Variants in CNTNAP5 observed in about 807,000 individuals in gnomAD.
CNTNAP5 encodes contactin associated protein family member 5.
CNTNAP5 carries 72 observed loss-of-function variants against 150.2 expected under a neutral mutation model. The ratio of observed to expected loss-of-function variants is 0.48; its 90% confidence interval spans 0.40 to 0.58. CNTNAP5 has a LOEUF of 0.58. Among genes scored for constraint, CNTNAP5 ranks in the 20% least tolerant of loss-of-function variants. CNTNAP5 has a pLI of 0.00. For missense variants in CNTNAP5, 1,636 were observed against 1,626.2 expected (o/e 1.01, Z -0.10); for synonymous variants, 672 against 619.8 (o/e 1.08, Z -1.25).
At chr2:124,707,135 GAAGAGGAAGAAGAA>G (rs1679695875) in intron 13 of CNTNAP5, among the ~76,000 whole-genome samples, 1 of 91,674 alleles carries the variant, frequency 1.1e-5, no homozygotes, top group African/African-American at 3.9e-5. Flanking sequence ...AGAAGAAGAA[GAAGAGGAAGAAGAA>G]GAAGAAGAAG....
At chr2:124,471,273 G>C (rs944117541) in intron 6 of CNTNAP5, among the ~76,000 whole-genome samples, 1 of 152,026 alleles carries the variant, frequency 6.6e-6, no homozygotes, top group Non-Finnish European at 1.5e-5. Context: ...TCCTTGAAGA[G>C]GTCCTTCACT....
chr2:124,294,303 A>C (rs937965395), intron 3 of CNTNAP5, among the ~76,000 whole-genome samples: 1 of 152,236 alleles, frequency 6.6e-6, no homozygotes, highest in Non-Finnish European at 1.5e-5. Context: ...ACATGAAAAA[A>C]AATAAGGTAA....
At chr2:124,519,005 A>G (rs956763674) in intron 8 of CNTNAP5, among the ~76,000 whole-genome samples, 1 of 151,376 alleles carries the variant, frequency 6.6e-6, no homozygotes, top group Non-Finnish European at 1.5e-5. Context: ...AAAAAAAAAA[A>G]AAAAAAAAAA....
intron 3 of CNTNAP5, among the ~76,000 whole-genome samples, chr2:124,253,816 G>A (rs1277674719): frequency 6.6e-6 from 1 of 151,948 alleles, no homozygotes; most frequent in Non-Finnish European, 1.5e-5. Flanking sequence ...AGTGCTGGCA[G>A]CAACCTGTAA....
chr2:124,598,602 T>A (rs1381786426), intron 11 of CNTNAP5, among the ~76,000 whole-genome samples: 4 of 150,702 alleles, frequency 2.7e-5, no homozygotes, highest in African/African-American at 4.9e-5. Context: ...TTTTTGTTTG[T>A]CTGTGCCCTG....
Position 124,919,132 on chromosome 2 carries a change from C to T in CNTNAP5, c.*4844C>T, listed in dbSNP as rs999968397. On this transcript the variant is annotated 3_prime_UTR_variant, in exon 24 of 24. Transcript: ENST00000682447. The stretch of plus-strand genomic sequence containing the variant: ...AAGGGGAAAAAATGCAACACACACA[C>T]GCACGCTCACATGCACACTTTGTAC... 1.1e-4 allele frequency among the ~76,000 whole-genome samples: 17 copies of T among 152,032 alleles called. No homozygotes were observed. The highest frequency in any genetic ancestry group is 2.2e-4 in the African/African-American group (9 of 41,410).
At chr2:124,029,311 C>T (rs1047084329) in intron 1 of CNTNAP5, among the ~76,000 whole-genome samples, 4 of 152,030 alleles carry the variant, frequency 2.6e-5, no homozygotes, top group Non-Finnish European at 2.9e-5. Context: ...TAAACAATCA[C>T]GCTGGTTTTT....
At chr2:124,126,267 G>T (rs191357574) in intron 1 of CNTNAP5, among the ~76,000 whole-genome samples, 1 of 150,910 alleles carries the variant, frequency 6.6e-6, no homozygotes, top group African/African-American at 2.4e-5. Context: ...ACAAACTAAC[G>T]TCAGAGAAGC....
intron 19 of CNTNAP5, among the ~76,000 whole-genome samples, chr2:124,811,285 G>GT (rs1446883409): frequency 1.3e-5 from 2 of 152,074 alleles, no homozygotes; most frequent in Non-Finnish European, 2.9e-5. Flanking sequence ...AATAAGAAGA[G>GT]TAATGGAACT....
chr2:124,379,061 C>A (rs1184533461), intron 3 of CNTNAP5, among the ~76,000 whole-genome samples: 1 of 151,862 alleles, frequency 6.6e-6, no homozygotes, highest in Non-Finnish European at 1.5e-5. Context: ...AAAAATTTCC[C>A]ACATACCCCT....
chr2:124,135,893 C>A (rs1040319133), intron 1 of CNTNAP5, among the ~76,000 whole-genome samples: 2 of 152,204 alleles, frequency 1.3e-5, no homozygotes, highest in African/African-American at 4.8e-5. Flanking sequence ...AGGACAATCA[C>A]AATCTCCTTC....
At chr2:124,112,475 C>T (rs1403354020) in intron 1 of CNTNAP5, among the ~76,000 whole-genome samples, 1 of 152,162 alleles carries the variant, frequency 6.6e-6, no homozygotes, top group Non-Finnish European at 1.5e-5. Context: ...TTCTGTTTCT[C>T]TTATAGGCTT....
rs1247298641 is a variant in CNTNAP5, at chr2:124,713,315, TTTCCTTTCTTTC to T, written c.2078-33911_2078-33900del. 6.2e-5 allele frequency among the ~76,000 whole-genome samples: 6 copies of T among 96,672 alleles called. No homozygotes were observed. In the East Asian group the frequency reaches 1.7e-3, roughly 27 times the overall value. The allele number at this position is 96,672 out of a possible 152,430, so 63.4% of individuals were successfully genotyped here. ...TTTCTTTCTTTCTTCTTTCTCTTTC[TTTCCTTTCTTTC>T]TTTCTTTCTTTCTTTCTTTCTTTCT... On this transcript the variant is annotated intron_variant, in intron 13 of 23. Transcript: ENST00000682447.
intron 1 of CNTNAP5, among the ~76,000 whole-genome samples, chr2:124,217,410 G>A (rs531943675): frequency 6.6e-6 from 1 of 152,264 alleles, no homozygotes; most frequent in South Asian, 2.1e-4. Flanking sequence ...AATTGAAGGA[G>A]AGCACAGGTT....
chr2:124,123,544 T>C (rs1370636740), intron 1 of CNTNAP5, among the ~76,000 whole-genome samples: 8 of 152,156 alleles, frequency 5.3e-5, no homozygotes, highest in Non-Finnish European at 1.2e-4. Flanking sequence ...CTGACAGCTT[T>C]GAAGAGAGTA....
rs1255973384 is a variant in CNTNAP5, at chr2:124,594,813, T to C, written c.1757-14988T>C. Among the ~76,000 whole-genome samples the C allele has an allele frequency of 1.8e-5, 2 of 111,678 alleles. 1 individual carries two copies. The highest frequency in any genetic ancestry group is 3.7e-5 in the Non-Finnish European group (2 of 53,816). The allele number at this position is 111,678 out of a possible 152,430, so 73.3% of individuals were successfully genotyped here. ...TTGTTTGTATCCTCTTTTATTTCCT[T>C]GAGCAGTGGTTTGTAATTCTCCTTG... On this transcript the variant is annotated intron_variant, in intron 11 of 23. Transcript: ENST00000682447.
At chr2:124,602,115 C>A (rs111414239) in intron 11 of CNTNAP5, among the ~76,000 whole-genome samples, 1 of 151,974 alleles carries the variant, frequency 6.6e-6, no homozygotes, top group Admixed American at 6.5e-5. Context: ...GAGGCCGAGG[C>A]GGGTGGATCA....
At chr2:124,096,137 C>T (rs1682928370) in intron 1 of CNTNAP5, among the ~76,000 whole-genome samples, 2 of 152,142 alleles carry the variant, frequency 1.3e-5, no homozygotes, top group South Asian at 4.1e-4. Flanking sequence ...AGTAATTACA[C>T]CCCACTATTG....
intron 3 of CNTNAP5, among the ~76,000 whole-genome samples, chr2:124,286,484 G>A (rs905136780): frequency 6.6e-6 from 1 of 152,214 alleles, no homozygotes; most frequent in Non-Finnish European, 1.5e-5. Context: ...ATTTATGAAA[G>A]TTTTCTGTCA....
Sources: allele counts gnomAD v4.1 joint callset (sites outside exome capture counted in the v4.1 genomes callset), GRCh38; gene constraint gnomAD v4.1.1; transcripts MANE v1.5; gene names NCBI Gene and HGNC (gene_info 2026-07-23, HGNC 2026-07-21).